The following EDIL3 variants were observed in gnomAD, a reference collection of about 807,000 sequenced individuals.
EDIL3 encodes EGF like and discoidin domains 3.
In EDIL3, 37 loss-of-function variants were observed where a neutral mutation model predicts 67.4. That is an observed-to-expected ratio of 0.55 (90% CI 0.42 to 0.72). EDIL3 has a LOEUF of 0.72. EDIL3 is among the 30% of genes least tolerant of loss of function. The pLI, the probability that EDIL3 is intolerant of heterozygous loss-of-function variation, is 0.00. For missense variants in EDIL3, 527 were observed against 586.3 expected, an observed-to-expected ratio of 0.90 and a Z score of 1.04; for synonymous variants, 195 against 196.3, an observed-to-expected ratio of 0.99 and a Z score of 0.05.
At chr5:84,365,912 T>C (rs536022761) in intron 1 of EDIL3, among the ~76,000 whole-genome samples, 1 of 152,286 alleles carries the variant, frequency 6.6e-6, no homozygotes, top group Admixed American at 6.5e-5. Context: ...ATTAGATTGC[T>C]ATTGCTTTAT....
intron 6 of EDIL3, among the ~76,000 whole-genome samples, chr5:84,068,983 A>G (rs1396604514): frequency 6.6e-6 from 1 of 152,130 alleles, no homozygotes; most frequent in Non-Finnish European, 1.5e-5. Context: ...CCATTCCAAC[A>G]TTATTTTGTG....
At chr5:84,016,678 A>C (rs1745612266) in intron 9 of EDIL3, among the ~76,000 whole-genome samples, 1 of 152,220 alleles carries the variant, frequency 6.6e-6, no homozygotes, top group Admixed American at 6.6e-5. Flanking sequence ...CTATGTTCAT[A>C]ACTGTATATA....
intron 9 of EDIL3, among the ~76,000 whole-genome samples, chr5:84,030,399 T>C (rs1745897921): frequency 6.6e-6 from 1 of 152,164 alleles, no homozygotes. Context: ...ACGTTAAACA[T>C]GAGGTTAAAT....
chr5:84,081,568 T>C (rs557678583), intron 6 of EDIL3, among the ~76,000 whole-genome samples: 1 of 152,218 alleles, frequency 6.6e-6, no homozygotes, highest in South Asian at 2.1e-4. Flanking sequence ...AAGTCTTTAA[T>C]GCACAATCTC....
chr5:83,977,207 T>C (rs1394835456), intron 9 of EDIL3, among the ~76,000 whole-genome samples: 2 of 151,874 alleles, frequency 1.3e-5, no homozygotes, highest in Admixed American at 1.3e-4. Context: ...ACCATCAAGA[T>C]ATCTACATCC....
chr5:83,942,500 A>G lies in EDIL3; in HGVS notation c.*919T>C, dbSNP rs1197025068. 1 of 152,078 alleles carries G rather than the reference A, an allele frequency of 6.6e-6. No homozygotes were observed. Among genetic ancestry groups the G allele is most frequent in the Non-Finnish European group, 1.5e-5 (1 of 67,976 alleles). 9.4% of individuals were successfully genotyped at this position (152,078 alleles called of 1,614,324 possible). On this transcript the variant is annotated 3_prime_UTR_variant, in exon 11 of 11. Transcript: ENST00000296591. ...AAGCCGATTTTTTAAAGTAAATATA[A>G]GGATATGTAATTACCATCTAAATGA...
At chr5:84,056,951 A>G (rs1256649619) in intron 9 of EDIL3, among the ~76,000 whole-genome samples, 1 of 152,182 alleles carries the variant, frequency 6.6e-6, no homozygotes. Context: ...CAACAGAAAC[A>G]CTAACAAGCA....
intron 4 of EDIL3, among the ~76,000 whole-genome samples, chr5:84,169,201 G>T (rs1040474677): frequency 6.6e-6 from 1 of 151,902 alleles, no homozygotes; most frequent in African/African-American, 2.4e-5. Flanking sequence ...ATGCATTGTG[G>T]TGCTGTTATT....
intron 1 of EDIL3, among the ~76,000 whole-genome samples, chr5:84,268,167 C>A (rs1386885657): frequency 1.3e-5 from 2 of 150,182 alleles, no homozygotes; most frequent in African/African-American, 5.0e-5. Context: ...AAATAAATAA[C>A]AATAATAATT....
intron 9 of EDIL3, among the ~76,000 whole-genome samples, chr5:84,029,875 A>C (rs776929833): frequency 3.3e-5 from 5 of 152,194 alleles, no homozygotes; most frequent in Non-Finnish European, 7.4e-5. Flanking sequence ...GGGAAAGATA[A>C]ATAAGTTTGC....
In EDIL3 at chr5:84,057,765, G is replaced by C. The variant is rs545601214; in HGVS notation, c.1137+2535C>G. On this transcript the variant is annotated intron_variant, in intron 9 of 10. Transcript: ENST00000296591. ...CTATGTTGGCTCAAACCAATAACTTGAATTATTTTTTGAATGAATCATTCA... is the reference window on the plus strand; with the variant it reads ...CTATGTTGGCTCAAACCAATAACTTCAATTATTTTTTGAATGAATCATTCA... 4.7e-5 allele frequency among the ~76,000 whole-genome samples: 7 copies of C among 148,906 alleles called. No homozygotes were observed. The South Asian group carries it at 1.5e-3, about 32-fold the overall frequency.
intron 9 of EDIL3, among the ~76,000 whole-genome samples, chr5:83,983,073 A>G (rs1744998238): frequency 6.6e-6 from 1 of 152,146 alleles, no homozygotes; most frequent in Non-Finnish European, 1.5e-5. Context: ...TCGAGTGAAA[A>G]GCCTTTTTAT....
chr5:84,076,187 A>T (rs1426333033), intron 6 of EDIL3, among the ~76,000 whole-genome samples: 1 of 151,962 alleles, frequency 6.6e-6, no homozygotes, highest in Non-Finnish European at 1.5e-5. Context: ...AGGTTCTCAT[A>T]TTTGTTTCTA....
At chr5:84,031,932 A>G (rs919911062) in intron 9 of EDIL3, among the ~76,000 whole-genome samples, 21 of 152,234 alleles carry the variant, frequency 1.4e-4, no homozygotes, top group African/African-American at 4.3e-4. Flanking sequence ...CATGAGCCAT[A>G]ATGAAGAGAA....
chr5:84,102,795 T>C (rs1185472649), intron 6 of EDIL3, among the ~76,000 whole-genome samples: 1 of 151,970 alleles, frequency 6.6e-6, no homozygotes, highest in East Asian at 1.9e-4. Flanking sequence ...ACAATGGCCA[T>C]ACTGCCCAAA....
In EDIL3 at chr5:84,207,821, T is replaced by C. The variant is rs1175448725; in HGVS notation, c.226+22034A>G. Reference sequence around the variant, plus strand: ...AAAGGATTCCCTATTTAATAAATGGTGCTGGGAAAACTGGCTAGCCATATG... The same window carrying C: ...AAAGGATTCCCTATTTAATAAATGGCGCTGGGAAAACTGGCTAGCCATATG... On this transcript the variant is annotated intron_variant, in intron 3 of 10. Coordinates refer to ENST00000296591, the MANE Select transcript of EDIL3 (RefSeq NM_005711.5). 2.0e-5 allele frequency among the ~76,000 whole-genome samples: 3 copies of C among 150,966 alleles called. No individual in the cohort carries two copies. In the East Asian group the frequency reaches 5.9e-4, roughly 30 times the overall value.
intron 10 of EDIL3, among the ~76,000 whole-genome samples, chr5:83,960,843 G>T (rs1437474983): frequency 6.6e-6 from 1 of 150,924 alleles, no homozygotes; most frequent in Non-Finnish European, 1.5e-5. Context: ...TAAATAGTAA[G>T]ATGATAAATT....
chr5:84,151,037 GT>G (rs1748379634), intron 4 of EDIL3, among the ~76,000 whole-genome samples: 1 of 152,078 alleles, frequency 6.6e-6, no homozygotes. Flanking sequence ...AGGGATTACA[GT>G]GGGGAAGAAA....
intron 6 of EDIL3, among the ~76,000 whole-genome samples, chr5:84,087,507 T>C (rs981427679): frequency 6.6e-6 from 1 of 152,256 alleles, no homozygotes; most frequent in Non-Finnish European, 1.5e-5. Context: ...TATTTATTAA[T>C]GCATTCAAAT....
Sources: allele counts gnomAD v4.1 joint callset (sites outside exome capture counted in the v4.1 genomes callset), GRCh38; gene constraint gnomAD v4.1.1; transcripts MANE v1.5; gene names NCBI Gene and HGNC (gene_info 2026-07-23, HGNC 2026-07-21).